GUCY1A2: variants seen among roughly 807,000 people sequenced by gnomAD.
GUCY1A2 encodes guanylate cyclase soluble subunit alpha-2.
A neutral mutation model predicts 63.5 loss-of-function variants in GUCY1A2; 27 were observed. The observed-to-expected ratio is 0.43, with a 90% CI of 0.31 to 0.59. The LOEUF is 0.59. GUCY1A2 is among the 20% of genes least tolerant of loss of function. The pLI is 0.11. For synonymous variants in GUCY1A2, 364 were observed against 343.5 expected, an observed-to-expected ratio of 1.06 and a Z score of -0.66; for missense variants, 768 against 913.3, an observed-to-expected ratio of 0.84 and a Z score of 2.05.
At chr11:106,772,093 TA>T (rs962088235) in intron 6 of GUCY1A2, among the ~76,000 whole-genome samples, 2 of 151,164 alleles carry the variant, frequency 1.3e-5, no homozygotes, top group African/African-American at 4.9e-5. Flanking sequence ...TTTTCAAAAT[TA>T]AAAAAAAATA....
intron 6 of GUCY1A2, among the ~76,000 whole-genome samples, chr11:106,750,475 A>T (rs998503346): frequency 2.6e-5 from 4 of 152,086 alleles, no homozygotes; most frequent in Non-Finnish European, 4.4e-5. Flanking sequence ...AATATTAACC[A>T]TCACAACAAA....
At chr11:106,831,016 T>G (rs1176736635) in intron 4 of GUCY1A2, among the ~76,000 whole-genome samples, 1 of 152,132 alleles carries the variant, frequency 6.6e-6, no homozygotes, top group African/African-American at 2.4e-5. Context: ...TATAATACAT[T>G]TTATGAAGCT....
chr11:106,967,439 CA>C (rs997567620), intron 3 of GUCY1A2, among the ~76,000 whole-genome samples: 3 of 152,040 alleles, frequency 2.0e-5, no homozygotes, highest in Non-Finnish European at 2.9e-5. Context: ...GAAAACAATG[CA>C]TGACCCACTA....
intron 3 of GUCY1A2, among the ~76,000 whole-genome samples, chr11:106,960,411 A>C (rs2120060411): frequency 6.6e-6 from 1 of 152,208 alleles, no homozygotes; most frequent in East Asian, 1.9e-4. Context: ...TTTTGATCCA[A>C]GACTCAGCAC....
chr11:107,008,034 G>A (rs917297445), intron 1 of GUCY1A2, among the ~76,000 whole-genome samples: 9 of 149,710 alleles, frequency 6.0e-5, no homozygotes, highest in Non-Finnish European at 1.3e-4. Context: ...TGTAATCCCA[G>A]TACTTTGGGA....
At chr11:106,821,743 C>T (rs1858906218) in intron 4 of GUCY1A2, among the ~76,000 whole-genome samples, 1 of 152,076 alleles carries the variant, frequency 6.6e-6, no homozygotes, top group Non-Finnish European at 1.5e-5. Flanking sequence ...TCTTATTGGC[C>T]ATTCTGACCC....
chr11:106,788,769 C>T (rs1375807878), intron 5 of GUCY1A2, among the ~76,000 whole-genome samples: 1 of 152,070 alleles, frequency 6.6e-6, no homozygotes, highest in Non-Finnish European at 1.5e-5. Context: ...ATGTGTTGGT[C>T]TTTATGCCAG....
chr11:106,798,604 C>T (rs1456168442), intron 5 of GUCY1A2, among the ~76,000 whole-genome samples: 3 of 151,744 alleles, frequency 2.0e-5, no homozygotes, highest in South Asian at 4.2e-4. Context: ...GCAAGGCTGG[C>T]TCAACATATG....
intron 6 of GUCY1A2, among the ~76,000 whole-genome samples, chr11:106,713,864 T>C (rs950803296): frequency 6.6e-6 from 1 of 152,046 alleles, no homozygotes; most frequent in Non-Finnish European, 1.5e-5. Context: ...TATATTGTTA[T>C]CTTGTGCAAT....
chr11:106,979,308 A>G (rs1412081491), intron 2 of GUCY1A2, among the ~76,000 whole-genome samples: 1 of 152,094 alleles, frequency 6.6e-6, no homozygotes, highest in Non-Finnish European at 1.5e-5. Flanking sequence ...ACAAAAAATT[A>G]GCCGGAAGTG....
chr11:106,919,191 C>T (rs888430718), intron 4 of GUCY1A2, among the ~76,000 whole-genome samples: 21 of 152,052 alleles, frequency 1.4e-4, no homozygotes, highest in African/African-American at 5.1e-4. Context: ...GTCCAATGCT[C>T]ATGTTCAAAA....
intron 6 of GUCY1A2, among the ~76,000 whole-genome samples, chr11:106,774,422 G>T (rs989024440): frequency 4.6e-5 from 7 of 152,106 alleles, no homozygotes; most frequent in African/African-American, 1.7e-4. Flanking sequence ...AAGCCACCGT[G>T]CCCAGGCTGT....
chr11:106,821,893 C>T (rs765679264), intron 4 of GUCY1A2, among the ~76,000 whole-genome samples: 1 of 152,050 alleles, frequency 6.6e-6, no homozygotes, highest in Admixed American at 6.6e-5. Flanking sequence ...TTCCATTCCT[C>T]GTTTCAATTC....
intron 4 of GUCY1A2, among the ~76,000 whole-genome samples, chr11:106,904,005 C>T (rs779349841): frequency 6.6e-6 from 1 of 152,170 alleles, no homozygotes; most frequent in Non-Finnish European, 1.5e-5. Context: ...CAGAATTATA[C>T]TCTGCTTCAC....
At chr11:106,850,105 C>T (rs1370051849) in intron 4 of GUCY1A2, among the ~76,000 whole-genome samples, 2 of 151,708 alleles carry the variant, frequency 1.3e-5, no homozygotes, top group African/African-American at 4.8e-5. Flanking sequence ...CAGATTTGCC[C>T]ATTCTGATGT....
At chr11:106,754,650 G>C (rs1863941176) in intron 6 of GUCY1A2, among the ~76,000 whole-genome samples, 1 of 152,168 alleles carries the variant, frequency 6.6e-6, no homozygotes. Flanking sequence ...TTTTGTGATG[G>C]ATTACATTTA....
chr11:106,825,869 G>A lies in GUCY1A2; in HGVS notation c.1207-15391C>T, dbSNP rs1591292088. Among the ~76,000 whole-genome samples the A allele has an allele frequency of 2.6e-5, 4 of 152,232 alleles. No homozygotes were observed. In the South Asian group the frequency reaches 8.3e-4, roughly 32 times the overall value. The stretch of plus-strand genomic sequence containing the variant: ...TGCATTCGACCCGTGGGCTAGAGTT[G>A]GACAAGCTTGTAGATGATTTCAGGT... On this transcript the variant is annotated intron_variant, in intron 4 of 7. Transcript: ENST00000526355.
intron 5 of GUCY1A2, among the ~76,000 whole-genome samples, chr11:106,778,080 T>C (rs1340035597): frequency 3.3e-5 from 5 of 152,218 alleles, no homozygotes; most frequent in East Asian, 1.9e-4. Flanking sequence ...TCTATTACTT[T>C]AGAGAAAAGC....
chr11:107,012,784 G>A (rs535562360), intron 1 of GUCY1A2, among the ~76,000 whole-genome samples: 19 of 152,206 alleles, frequency 1.2e-4, no homozygotes, highest in Middle Eastern at 3.4e-3. Context: ...TTTTATAATG[G>A]TAATGAATCT....
Sources: gnomAD v4.1 joint callset for allele counts (sites outside exome capture counted in the v4.1 genomes callset) on GRCh38, gnomAD v4.1.1 for gene constraint, MANE v1.5 for transcripts, NCBI Gene and HGNC (gene_info 2026-07-23, HGNC 2026-07-21) for gene names.